CROCC: variants seen among roughly 807,000 people sequenced by gnomAD.
CROCC encodes ciliary rootlet coiled-coil, rootletin, also known as rootletin.
CROCC carries 180 observed loss-of-function variants against 245.2 expected under a neutral mutation model. That is an observed-to-expected ratio of 0.73 (90% CI 0.65 to 0.83). The LOEUF (loss-of-function observed/expected upper bound fraction) is 0.83. CROCC is among the 40% of genes least tolerant of loss of function. The pLI, the probability that CROCC is intolerant of heterozygous loss-of-function variation, is 0.00. For missense variants in CROCC, 2,688 were observed against 2,779.4 expected, an observed-to-expected ratio of 0.97 and a Z score of 0.74; for synonymous variants, 1,205 against 1,241.6, an observed-to-expected ratio of 0.97 and a Z score of 0.62.
intron 26 of CROCC, among the ~76,000 whole-genome samples, chr1:16,960,429 CAT>C (rs971436611): frequency 1.8e-4 from 28 of 152,302 alleles, no homozygotes; most frequent in African/African-American, 6.5e-4. Context: ...GAGATCGATT[CAT>C]AGAGTAGTAA....
At chr1:16,945,362 T>A (rs535325013) in intron 14 of CROCC, 100 bp from the exon 15 acceptor site, 1 of 1,548,892 alleles carries the variant, frequency 6.5e-7, no homozygotes, top group East Asian at 2.4e-5. Context: ...CTCTCCAAAC[T>A]CCTGCCTCAG....
At chr1:16,938,571 T>G in intron 11 of CROCC, 88 bp downstream of exon 11, 1 of 1,234,922 alleles carries the variant, frequency 8.1e-7, no homozygotes, top group East Asian at 2.5e-5. Flanking sequence ...GGGACTGAAC[T>G]GCAAATGGGT....
chr1:16,935,294 T>A (rs1399635107), intron 8 of CROCC, among the ~76,000 whole-genome samples: 1 of 152,274 alleles, frequency 6.6e-6, no homozygotes, highest in Non-Finnish European at 1.5e-5. Context: ...CATGCACACT[T>A]TTTTGCATAT....
rs1570656512 is a variant in CROCC at position 16,946,268 on chromosome 1, G to A, written c.2146G>A (p.Gly716Ser). 6.2e-7 allele frequency: 1 copy of A among 1,612,862 alleles called. No individual in the cohort carries two copies. The highest frequency in any genetic ancestry group is 1.1e-5 in the South Asian group (1 of 90,998). Residue 716 changes from glycine (G) to serine (S), a missense_variant, in exon 16 of 37, where the codon GGC (glycine) becomes AGC (serine). Around this residue, in one of 9 missense-constraint regions of CROCC, gnomAD observed 295 missense variants for 241.7 expected, o/e 1.22. Coordinates refer to ENST00000375541, the MANE Select transcript of CROCC (RefSeq NM_014675.5). The stretch of plus-strand genomic sequence containing the variant: ...GGGCCTGACCCTGCAGGCTGAGGCT[G>A]GCCGCGTGGAGCTCGAGCTCTCCAT... ...VAEALTKAEA[G>S]RVELELSMTK...
upstream of CROCC, among the ~76,000 whole-genome samples, chr1:16,919,133 G>A (rs1239221847): frequency 6.6e-6 from 1 of 152,292 alleles, no homozygotes; most frequent in Admixed American, 6.5e-5. Context: ...CATTTGCAGG[G>A]CAGTTTCCTT....
Position 16,960,857 on chromosome 1 carries a change from A to C in CROCC, c.4132A>C (p.Lys1378Gln), listed in dbSNP as rs1201548748. Residue 1378 changes from lysine to glutamine, a missense_variant, in exon 27 of 37, where the codon AAG becomes CAG. Physicochemically the swap from Lys to Gln is moderately conservative, Grantham distance 53. Transcript: ENST00000375541. ...GSLEEARGTE[K>Q]QQLDHARGLE... ...CCTGGAGGAGGCGCGTGGCACTGAA[A>C]AGCAGCAGCTGGACCACGCCCGCGG... The C allele has an allele frequency of 6.6e-7, 1 of 1,518,956 alleles. No homozygotes were observed. Among genetic ancestry groups the C allele is most frequent in the South Asian group, 1.2e-5 (1 of 82,522 alleles). 94.1% of individuals were successfully genotyped at this position (1,518,956 alleles called of 1,614,324 possible).
chr1:16,949,070 C>T (rs986390040), intron 19 of CROCC, 144 bp downstream of exon 19: 1 of 1,084,302 alleles, frequency 9.2e-7, no homozygotes, highest in African/African-American at 1.5e-5. Context: ...CCACTTAGAT[C>T]TCACCTTCCC....
Position 16,966,008 on chromosome 1 carries a change from C to G in CROCC, c.4585C>G (p.Arg1529Gly). ...RSAQRERDEL[R>G]TQTSALNRQL... ...CATGTCGGGGCTACAGGACGAACTT[C>G]GGACCCAGACCAGTGCCCTGAATCG... The change falls in exon 29 of 37, where the codon CGG becomes GGG. Residue 1529 changes from arginine to glycine, a missense_variant. Transcript: ENST00000375541. This position sits in a 1 kb window ranked among gnomAD's most constrained non-coding sequence, Gnocchi z 4.8. The G allele has an allele frequency of 6.2e-7, 1 of 1,612,778 alleles. No homozygotes were observed. The highest frequency in any genetic ancestry group is 8.5e-7 in the Non-Finnish European group (1 of 1,179,014).
Position 16,940,012 on chromosome 1 carries a change from A to C in CROCC, c.1727A>C (p.Lys576Thr), listed in dbSNP as rs368729227. Residue 576 changes from lysine (K) to threonine (T), a missense_variant, in exon 13 of 37, where the codon AAG becomes ACG. By Grantham distance (78) the Lys-to-Thr change is moderately conservative. Around this residue, in one of 9 missense-constraint regions of CROCC, gnomAD observed 972 missense variants for 895.3 expected, o/e 1.09. Transcript: ENST00000375541. Reference protein sequence around the residue: ...LEEQLQRLRDKTDGAMQAHED... With the variant: ...LEEQLQRLRDTTDGAMQAHED... ...GAACAGCTGCAGCGCCTGCGGGACA[A>C]GACCGACGGCGCCATGCAGGCCCAC... The C allele has an allele frequency of 6.2e-7, 1 of 1,611,746 alleles. No individual in the cohort carries two copies.
Position 16,970,298 on chromosome 1 carries a change from G to T in CROCC, c.5497G>T (p.Val1833Phe). ...GGGTGAGGCTGCAGCCCTGAACACCGTCCAGAAGCTGCAAGACGAGCGGCG... is the reference window on the plus strand; with the variant it reads ...GGGTGAGGCTGCAGCCCTGAACACCTTCCAGAAGCTGCAAGACGAGCGGCG... The part of the protein sequence containing the change: ...QEGEAAALNT[V>F]QKLQDERRLL... The change falls in exon 34 of 37, where the codon GTC becomes TTC. Residue 1833 changes from valine (V) to phenylalanine (F), a missense_variant. By Grantham distance (50) the Val-to-Phe change is conservative. Around this residue, in one of 9 missense-constraint regions of CROCC, gnomAD observed 1,218 missense variants for 1,286.3 expected, o/e 0.95. Coordinates refer to ENST00000375541, the MANE Select transcript of CROCC (RefSeq NM_014675.5). 6.3e-7 allele frequency: 1 copy of T among 1,584,054 alleles called. No homozygotes were observed. The highest frequency in any genetic ancestry group is 1.1e-5 in the South Asian group (1 of 87,066).
At chr1:16,940,731 TTTTGC>T (rs1465665815) in intron 13 of CROCC, 6 of 245,478 alleles carry the variant, frequency 2.4e-5, no homozygotes, top group African/African-American at 1.4e-4. Flanking sequence ...TTTTGTTTTG[TTTTGC>T]TTTGTTTTGA....
chr1:16,959,128 T>C (rs2076291579), intron 26 of CROCC, among the ~76,000 whole-genome samples: 1 of 152,224 alleles, frequency 6.6e-6, no homozygotes, highest in African/African-American at 2.4e-5. Context: ...GTTCAAGCAA[T>C]TCTTCTGCCT....
intron 3 of CROCC, among the ~76,000 whole-genome samples, chr1:16,924,775 G>A (rs1345919449): frequency 6.6e-6 from 1 of 152,288 alleles, no homozygotes; most frequent in Non-Finnish European, 1.5e-5. Context: ...GCCTGTTAGG[G>A]GTGTGGGACA....
chr1:16,944,698 G>A (rs2076008043), intron 14 of CROCC, among the ~76,000 whole-genome samples: 1 of 152,218 alleles, frequency 6.6e-6, no homozygotes, highest in African/African-American at 2.4e-5. Flanking sequence ...TTTGTGGATG[G>A]TAAACTGAGG....
At chr1:16,935,777 T>A (rs1375683710) in intron 8 of CROCC, among the ~76,000 whole-genome samples, 1 of 152,282 alleles carries the variant, frequency 6.6e-6, no homozygotes, top group East Asian at 1.9e-4. Flanking sequence ...TGTACCATCA[T>A]GTACTTAGTA....
At position 16,930,346 on chromosome 1, in the gene CROCC, A is replaced by G. The variant is rs1007902713; in HGVS notation, c.682A>G (p.Arg228Gly). Residue 228 changes from arginine (R) to glycine (G), a missense_variant and splice_region_variant, in exon 6 of 37, where the codon AGG (arginine) becomes GGG (glycine). By Grantham distance (125) the Arg-to-Gly change is moderately radical. Transcript: ENST00000375541. ...CATCCGGCTGGAGGAGGAGCAGCAGAGGTGAGGGCGCAGCAGGGAGGGCCA... is the reference window on the plus strand; with the variant it reads ...CATCCGGCTGGAGGAGGAGCAGCAGGGGTGAGGGCGCAGCAGGGAGGGCCA... ...ALIRLEEEQQ[R>G]SASLAQVNAM... The G allele has an allele frequency of 6.8e-6, 11 of 1,610,604 alleles. No homozygotes were observed. The highest frequency in any genetic ancestry group is 8.5e-6 in the Non-Finnish European group (10 of 1,179,426).
intron 17 of CROCC, among the ~76,000 whole-genome samples, chr1:16,948,087 C>G (rs1197280302): frequency 2.0e-5 from 3 of 152,410 alleles, no homozygotes; most frequent in Non-Finnish European, 2.9e-5. Flanking sequence ...GATCCACCTG[C>G]CAAAGTGCTG....
At chr1:16,928,293 C>G (rs2075582147) in intron 3 of CROCC, among the ~76,000 whole-genome samples, 1 of 152,274 alleles carries the variant, frequency 6.6e-6, no homozygotes, top group Non-Finnish European at 1.5e-5. Context: ...CTGCTCCTCC[C>G]TCACCTCCCT....
Position 16,936,889 on chromosome 1 carries a change from A to C in CROCC, c.1193+16A>C. On this transcript the variant is annotated intron_variant, in intron 9 of 36. Transcript: ENST00000375541. ...TCAGTGCCAGGTGGGTACCTGGTGG[A>C]TGCCGCACGAGGCAGGCGTCCCTGC... The C allele has an allele frequency of 6.3e-7, 1 of 1,594,364 alleles. No individual in the cohort carries two copies. The highest frequency in any genetic ancestry group is 8.6e-7 in the Non-Finnish European group (1 of 1,165,372).
Sources: gnomAD v4.1 joint callset for allele counts (sites outside exome capture counted in the v4.1 genomes callset) on GRCh38, gnomAD v4.1.1 for gene constraint, gnomAD v4.1.1 regional missense constraint, Gnocchi (gnomAD v3.1) non-coding constraint, MANE v1.5 for transcripts, NCBI Gene and HGNC (gene_info 2026-07-23, HGNC 2026-07-21) for gene names.